Variants in FANCA observed in about 807,000 individuals in gnomAD.
FANCA encodes FA complementation group A, also known as Fanconi anemia group A protein.
A neutral mutation model predicts 194.3 loss-of-function variants in FANCA; 236 were observed. The ratio of observed to expected loss-of-function variants is 1.21; its 90% CI spans 1.09 to 1.35. The LOEUF (loss-of-function observed/expected upper bound fraction) is 1.35. FANCA is among the 40% of genes most tolerant of loss of function. The pLI is 0.00. For synonymous variants in FANCA, 1,014 were observed against 715.8 expected, an observed-to-expected ratio of 1.42 and a Z score of -6.65; for missense variants, 2,628 against 1,813.9, an observed-to-expected ratio of 1.45 and a Z score of -8.15.
chr16:89,774,942 A>G (rs1002424278), intron 21 of FANCA, among the ~76,000 whole-genome samples: 1 of 151,672 alleles, frequency 6.6e-6, no homozygotes, highest in African/African-American at 2.4e-5. Context: ...AAAAATACAA[A>G]AACTAGCAAG....
intron 17 of FANCA, among the ~76,000 whole-genome samples, chr16:89,781,078 T>G (rs2039682575): frequency 6.6e-6 from 1 of 152,088 alleles, no homozygotes; most frequent in Admixed American, 6.6e-5. Context: ...AAGTAAAGAA[T>G]GGAGGGCCAG....
In FANCA at chr16:89,804,279, G is replaced by A. The variant is rs183894816; in HGVS notation, c.710-938C>T. Among the ~76,000 whole-genome samples the A allele has an allele frequency of 1.6e-4, 24 of 152,054 alleles. No individual in the cohort carries two copies. The East Asian group carries it at 3.1e-3, about 20-fold the overall frequency. The stretch of plus-strand genomic sequence containing the variant: ...TGTAGGTGTCACTTGTAGTGGGATG[G>A]GTCTCCCAGCAGGTGTTCCTCAGAA... On this transcript the variant is annotated intron_variant, in intron 7 of 42. Transcript: ENST00000389301.
chr16:89,773,214 A>G, intron 22 of FANCA, 57 bp downstream of exon 22: 1 of 1,361,268 alleles, frequency 7.3e-7, no homozygotes, highest in Non-Finnish European at 1.0e-6. Context: ...CCAGCCACAG[A>G]GCTCCAACCA....
At chr16:89,772,716 G>A (rs1028276420) in intron 22 of FANCA, among the ~76,000 whole-genome samples, 3 of 151,810 alleles carry the variant, frequency 2.0e-5, no homozygotes, top group African/African-American at 7.3e-5. Context: ...CAACTTGGGA[G>A]GCTGAGGCGG....
chr16:89,742,932 G>A lies in FANCA; in HGVS notation c.3633C>T (p.Leu1211=), dbSNP rs2062172244. 1 of 1,613,976 alleles carries A rather than the reference G, an allele frequency of 6.2e-7. No individual in the cohort carries two copies. The highest frequency in any genetic ancestry group is 2.2e-5 in the East Asian group (1 of 44,872). ...QEGRQFASDF[L]SPEAASPAPN... Reference sequence around the variant, plus strand: ...GTGCTGGGGAGGCAGCCTCAGGGGAGAGGAAACTGGGACAGAGAGAACGGG... The same window carrying A: ...GTGCTGGGGAGGCAGCCTCAGGGGAAAGGAAACTGGGACAGAGAGAACGGG... Residue 1211 remains leucine (L), a synonymous_variant, in exon 37 of 43, where the codon CTC becomes CTT. Coordinates refer to ENST00000389301, the MANE Select transcript of FANCA (RefSeq NM_000135.4).
intron 21 of FANCA, among the ~76,000 whole-genome samples, chr16:89,774,056 A>G (rs2039412959): frequency 6.6e-6 from 1 of 152,098 alleles, no homozygotes; most frequent in African/African-American, 2.4e-5. Flanking sequence ...GGCATGAGCC[A>G]CTGCGCCCAG....
chr16:89,770,363 C>T (rs909027529), intron 24 of FANCA, 104 bp from the exon 25 acceptor site: 23 of 1,169,066 alleles, frequency 2.0e-5, no homozygotes, highest in South Asian at 1.7e-4. Flanking sequence ...CCAAGCTGTT[C>T]CCCAAAACAG....
Position 89,780,057 on chromosome 16 carries a change from G to C in FANCA, c.1627-100C>G, listed in dbSNP as rs17226330. 4.6e-6 allele frequency: 5 copies of C among 1,082,578 alleles called. No individual in the cohort carries two copies. The Admixed American group carries it at 7.3e-5, about 16-fold the overall frequency. 67.1% of individuals were successfully genotyped at this position (1,082,578 alleles called of 1,614,324 possible). A position where few individuals can be genotyped will look rare whatever the true frequency, so the allele number is the denominator to read the frequency against. On this transcript the variant is annotated intron_variant, in intron 17 of 42. Coordinates refer to ENST00000389301, the MANE Select transcript of FANCA (RefSeq NM_000135.4). ...TCAACCTGTGCTTCCTTGTTGAAAG[G>C]CTCTGTACACATTAAAGGTAAAGGC...
chr16:89,798,730 G>C (rs2040333809), intron 10 of FANCA: 3 of 1,343,320 alleles, frequency 2.2e-6, no homozygotes, highest in East Asian at 6.1e-5. Flanking sequence ...GTGAATCTGA[G>C]CAGGATCTGT....
At chr16:89,777,277 G>C (rs1437518465) in intron 20 of FANCA, among the ~76,000 whole-genome samples, 1 of 152,138 alleles carries the variant, frequency 6.6e-6, no homozygotes, top group Non-Finnish European at 1.5e-5. Flanking sequence ...AGCTACTTGG[G>C]AGGCGGAGAG....
In FANCA at chr16:89,738,863, G is replaced by T. The variant is rs1272834434; in HGVS notation, c.4260+19C>A. The T allele has an allele frequency of 1.9e-6, 3 of 1,614,128 alleles. No homozygotes were observed. The African/African-American group carries it at 4.0e-5, about 22-fold the overall frequency. On this transcript the variant is annotated intron_variant, in intron 42 of 42. Transcript: ENST00000389301. ...TCTCATGTCCCCCACATGGCCCAAG[G>T]TGGGCATCTTGACGTTACCTCTGCC...
At chr16:89,779,275 T>C (rs1025062292) in intron 18 of FANCA, among the ~76,000 whole-genome samples, 6 of 152,138 alleles carry the variant, frequency 3.9e-5, no homozygotes, top group Non-Finnish European at 7.4e-5. Flanking sequence ...ACGAGGACCA[T>C]GTAAGGTCCA....
rs1285752266 is a variant in FANCA at position 89,779,915 on chromosome 16, C to G, written c.1669G>C (p.Val557Leu). Residue 557 changes from valine to leucine, a missense_variant, in exon 18 of 43, where the codon GTG becomes CTG. Coordinates refer to ENST00000389301, the MANE Select transcript of FANCA (RefSeq NM_000135.4). The stretch of plus-strand genomic sequence containing the variant: ...GGGATGTTCCCCGTATGCTCAAACA[C>G]CATGATGGCCTTTTCAACATCCTGA... The part of the protein sequence containing the change: ...ALQDVEKAIM[V>L]FEHTGNIPVT... 1 of 1,614,166 alleles carries G rather than the reference C, an allele frequency of 6.2e-7. No homozygotes were observed. The highest frequency in any genetic ancestry group is 2.2e-5 in the East Asian group (1 of 44,886).
Position 89,802,611 on chromosome 16 carries a change from G to A in FANCA, c.792+648C>T, listed in dbSNP as rs147658236. On this transcript the variant is annotated intron_variant, in intron 8 of 42. Transcript: ENST00000389301. ...GTAGAGACGGGATTTTACCATGTTA[G>A]CCAGGATGGTCTCGATCTCCTGACC... Among the ~76,000 whole-genome samples the A allele has an allele frequency of 1.7e-3, 252 of 151,688 alleles. 1 individual carries two copies. Among genetic ancestry groups the A allele is most frequent in the African/African-American group, 5.4e-3 (224 of 41,344 alleles).
At chr16:89,807,815 G>A (rs914189936) in intron 6 of FANCA, among the ~76,000 whole-genome samples, 1 of 152,080 alleles carries the variant, frequency 6.6e-6, no homozygotes, top group Non-Finnish European at 1.5e-5. Flanking sequence ...CCCGGGAGGT[G>A]GAGCCTGCAG....
chr16:89,788,020 C>A (rs2039954517), intron 14 of FANCA, among the ~76,000 whole-genome samples: 3 of 151,934 alleles, frequency 2.0e-5, no homozygotes, highest in Admixed American at 2.0e-4. Context: ...ATTACAGGCA[C>A]CTGCCACCAT....
In FANCA at chr16:89,742,923, C is replaced by G; in HGVS notation, c.3642G>C (p.Glu1214Asp). ...RQFASDFLSP[E>D]AASPAPNPDW... ...CCGGGTTGGGTGCTGGGGAGGCAGC[C>G]TCAGGGGAGAGGAAACTGGGACAGA... Residue 1214 changes from glutamate (E) to aspartate (D), a missense_variant, in exon 37 of 43, where the codon GAG becomes GAC. Transcript: ENST00000389301. The G allele has an allele frequency of 6.2e-7, 1 of 1,614,054 alleles. No individual in the cohort carries two copies. The highest frequency in any genetic ancestry group is 8.5e-7 in the Non-Finnish European group (1 of 1,179,978).
At chr16:89,809,678 C>G (rs901470876) in intron 5 of FANCA, among the ~76,000 whole-genome samples, 1 of 151,794 alleles carries the variant, frequency 6.6e-6, no homozygotes, top group Admixed American at 6.6e-5. Context: ...GGAGAAACCC[C>G]GTCTCTACTA....
At position 89,767,138 on chromosome 16, in the gene FANCA, T is replaced by C; in HGVS notation, c.2601+3A>G. On this transcript the variant is annotated splice_donor_region_variant and intron_variant, in intron 27 of 42. Coordinates refer to ENST00000389301, the MANE Select transcript of FANCA (RefSeq NM_000135.4). ...TGGAAAAATAGGAAAAGAGTGAACC[T>C]ACCTTTTTAATAAGGCCTGGAGATA... is the stretch of plus-strand genomic sequence containing the variant. 1 of 1,605,394 alleles carries C rather than the reference T, an allele frequency of 6.2e-7. No individual in the cohort carries two copies. Among genetic ancestry groups the C allele is most frequent in the Non-Finnish European group, 8.5e-7 (1 of 1,172,120 alleles).
Sources: allele counts gnomAD v4.1 joint callset (sites outside exome capture counted in the v4.1 genomes callset), GRCh38; gene constraint gnomAD v4.1.1; transcripts MANE v1.5; gene names NCBI Gene and HGNC (gene_info 2026-07-23, HGNC 2026-07-21).